The following VPS41 variants were observed in gnomAD, a reference collection of about 807,000 sequenced individuals.
The protein encoded by VPS41 is VPS41 subunit of HOPS complex.
In VPS41, 85 loss-of-function variants were observed where a neutral mutation model predicts 130.9. The observed-to-expected ratio is 0.65, with a 90% CI of 0.55 to 0.78. The LOEUF (loss-of-function observed/expected upper bound fraction) is 0.78, where lower values mean the gene tolerates loss of function less well. Ranked by LOEUF, VPS41 falls within the 30% of genes least tolerant of loss-of-function variation. The probability of loss-of-function intolerance (pLI) is 0.00; values close to 1 mark genes in which losing one functional copy is unlikely to be tolerated. For synonymous variants in VPS41, 335 were observed against 332.9 expected, an observed-to-expected ratio of 1.01 and a Z score of -0.07; for missense variants, 874 against 1,018.7, an observed-to-expected ratio of 0.86 and a Z score of 1.93.
At chr7:38,876,546 G>A (rs1356841388) in intron 2 of VPS41, among the ~76,000 whole-genome samples, 2 of 152,134 alleles carry the variant, frequency 1.3e-5, no homozygotes, top group African/African-American at 4.8e-5. Flanking sequence ...AAAAATCACT[G>A]TTGTGAGCTA....
intron 13 of VPS41, among the ~76,000 whole-genome samples, chr7:38,771,793 C>T (rs890891968): frequency 5.3e-4 from 81 of 151,992 alleles, no homozygotes; most frequent in African/African-American, 1.9e-3. Context: ...TTAAAACATA[C>T]AATTATTTCT....
intron 11 of VPS41, 50 bp downstream of exon 11, chr7:38,776,629 G>A: frequency 9.7e-7 from 1 of 1,034,378 alleles, no homozygotes; most frequent in Non-Finnish European, 1.5e-6. Context: ...TGGGTGTAAT[G>A]CTAAAAGTGA....
intron 4 of VPS41, among the ~76,000 whole-genome samples, chr7:38,849,537 G>A (rs921379674): frequency 1.3e-5 from 2 of 152,182 alleles, no homozygotes; most frequent in East Asian, 3.9e-4. Flanking sequence ...AAGTCTGGCC[G>A]CTCAGTAGCC....
At chr7:38,773,856 T>C (rs28635894) in intron 12 of VPS41, among the ~76,000 whole-genome samples, 32,569 of 151,962 alleles carry the variant, frequency 0.21, 4,475 homozygotes, top group Non-Finnish European at 0.31. Context: ...ATAGAAAAAA[T>C]ACAAGAACAA....
intron 2 of VPS41, among the ~76,000 whole-genome samples, chr7:38,882,499 A>G (rs1786634947): frequency 6.6e-6 from 1 of 152,086 alleles, no homozygotes; most frequent in Non-Finnish European, 1.5e-5. Context: ...CTGAGTCACA[A>G]ATTCTTACCT....
chr7:38,829,986 A>AGTAAG (rs1172820344), intron 5 of VPS41, among the ~76,000 whole-genome samples: 2 of 152,250 alleles, frequency 1.3e-5, no homozygotes, highest in African/African-American at 4.8e-5. Flanking sequence ...GTGGCACGGT[A>AGTAAG]GTAATGATTA....
intron 4 of VPS41, among the ~76,000 whole-genome samples, chr7:38,844,430 T>A (rs1000959708): frequency 1.3e-5 from 2 of 152,250 alleles, no homozygotes; most frequent in African/African-American, 4.8e-5. Flanking sequence ...GTTAGGAAAC[T>A]TTAGCCACTT....
intron 4 of VPS41, among the ~76,000 whole-genome samples, chr7:38,846,603 C>A (rs1449369330): frequency 3.3e-5 from 5 of 152,054 alleles, no homozygotes; most frequent in Admixed American, 3.3e-4. Context: ...AGGAGTCAGT[C>A]GAGTGTTTTC....
intron 2 of VPS41, among the ~76,000 whole-genome samples, chr7:38,873,497 C>T (rs1786419618): frequency 6.6e-6 from 1 of 151,940 alleles, no homozygotes; most frequent in Non-Finnish European, 1.5e-5. Flanking sequence ...CGGTAAACAA[C>T]CCAGTGTTAA....
At chr7:38,859,507 A>G (rs954930596) in intron 4 of VPS41, among the ~76,000 whole-genome samples, 2 of 152,042 alleles carry the variant, frequency 1.3e-5, no homozygotes, top group African/African-American at 2.4e-5. Context: ...TTATGGTATC[A>G]TTTCTATATT....
intron 5 of VPS41, among the ~76,000 whole-genome samples, chr7:38,826,466 CACA>C (rs1785280895): frequency 2.0e-5 from 3 of 152,062 alleles, no homozygotes; most frequent in South Asian, 2.1e-4. Context: ...GTTTGGCAAC[CACA>C]ACAAGAAGAT....
chr7:38,729,831 G>A (rs1359347265), intron 25 of VPS41, among the ~76,000 whole-genome samples: 2 of 152,222 alleles, frequency 1.3e-5, no homozygotes, highest in South Asian at 2.1e-4. Flanking sequence ...CACAGTGTGA[G>A]CTCCCACCCT....
chr7:38,870,561 T>C (rs1353689876), intron 2 of VPS41, among the ~76,000 whole-genome samples: 2 of 151,720 alleles, frequency 1.3e-5, no homozygotes, highest in Non-Finnish European at 2.9e-5. Context: ...AGAAAACTAC[T>C]GGGGCCTCTA....
At chr7:38,907,510 G>A (rs1264801634) in intron 1 of VPS41, among the ~76,000 whole-genome samples, 1 of 152,254 alleles carries the variant, frequency 6.6e-6, no homozygotes, top group Non-Finnish European at 1.5e-5. Flanking sequence ...TTTCACCCAT[G>A]TATGAGAGTA....
chr7:38,743,637 G>A (rs1584369074), intron 23 of VPS41, 95 bp from the exon 24 acceptor site: 2 of 1,417,804 alleles, frequency 1.4e-6, no homozygotes, highest in East Asian at 2.5e-5. Context: ...TTACATAGGT[G>A]GAAAGCTAAG....
At chr7:38,770,053 T>C (rs529963331) in intron 14 of VPS41, among the ~76,000 whole-genome samples, 31 of 152,242 alleles carry the variant, frequency 2.0e-4, no homozygotes, top group African/African-American at 7.0e-4. Context: ...GCCGATCACC[T>C]GAGGTCGGGA....
chr7:38,882,851 CT>C (rs2116386002), intron 2 of VPS41, among the ~76,000 whole-genome samples: 1 of 152,362 alleles, frequency 6.6e-6, no homozygotes, highest in African/African-American at 2.4e-5. Context: ...ATGGTCTCCC[CT>C]ATTCCTACTT....
intron 14 of VPS41, 73 bp from the exon 15 acceptor site, chr7:38,767,671 C>G: frequency 9.3e-7 from 1 of 1,072,256 alleles, no homozygotes; most frequent in Non-Finnish European, 1.4e-6. Context: ...GGTTTCTGCA[C>G]AGGGCATAAC....
chr7:38,731,188 C>T (rs1370388377), intron 25 of VPS41, among the ~76,000 whole-genome samples: 1 of 152,280 alleles, frequency 6.6e-6, no homozygotes. Context: ...AGACTATCCT[C>T]TATAGAATGT....
Sources: allele counts gnomAD v4.1 joint callset (sites outside exome capture counted in the v4.1 genomes callset), GRCh38; gene constraint gnomAD v4.1.1; transcripts MANE v1.5; gene names NCBI Gene and HGNC (gene_info 2026-07-23, HGNC 2026-07-21).